Variants in SMIM14 observed in about 807,000 individuals in gnomAD.
SMIM14 encodes the protein small integral membrane protein 14, also known as chromosome 4 open reading frame 34.
Under a neutral mutation model 12.6 loss-of-function variants are expected in SMIM14, and 5 were observed. That is an observed-to-expected ratio of 0.40 (90% confidence interval 0.21 to 0.83). The LOEUF (loss-of-function observed/expected upper bound fraction) is 0.83, where lower values mean the gene tolerates loss of function less well. Ranked by LOEUF, SMIM14 falls within the 40% of genes least tolerant of loss-of-function variation. The pLI is 0.37. For synonymous variants in SMIM14, 30 were observed against 40.1 expected (o/e 0.75, Z 0.95); for missense variants, 86 against 119.1 (o/e 0.72, Z 1.29).
At chr4:39,577,110 G>A (rs539594181) in intron 2 of SMIM14, among the ~76,000 whole-genome samples, 1 of 149,152 alleles carries the variant, frequency 6.7e-6, no homozygotes, top group East Asian at 2.0e-4. Context: ...AGCACTTTGG[G>A]AGGCCAAGGC....
At chr4:39,552,260 CA>C (rs1273241416) in intron 4 of SMIM14, 102 bp from the exon 5 acceptor site, 2 of 939,516 alleles carry the variant, frequency 2.1e-6, no homozygotes, top group Non-Finnish European at 3.1e-6. Context: ...AATCCCAGTG[CA>C]ACCAATCTAA....
At chr4:39,586,226 T>C (rs145509883) in intron 2 of SMIM14, among the ~76,000 whole-genome samples, 53 of 152,208 alleles carry the variant, frequency 3.5e-4, no homozygotes, top group Admixed American at 8.5e-4. Context: ...TGTGGTTCCT[T>C]TTTGCTTAAT....
chr4:39,629,181 T>C (rs1715816754), intron 1 of SMIM14, among the ~76,000 whole-genome samples: 1 of 151,346 alleles, frequency 6.6e-6, no homozygotes, highest in East Asian at 2.0e-4. Flanking sequence ...GCTAACATGG[T>C]GGAAACCCAT....
chr4:39,622,314 C>T (rs1016031271), intron 1 of SMIM14, among the ~76,000 whole-genome samples: 14 of 151,364 alleles, frequency 9.2e-5, no homozygotes, highest in Admixed American at 9.2e-4. Context: ...GATCTCCTGA[C>T]CTCATGATCC....
intron 2 of SMIM14, among the ~76,000 whole-genome samples, chr4:39,574,221 C>A (rs1372318142): frequency 6.8e-6 from 1 of 148,114 alleles, no homozygotes; most frequent in African/African-American, 2.5e-5. Flanking sequence ...GATTTAAAGT[C>A]TGGTTCTGCA....
At chr4:39,565,963 C>T (rs555148746) in intron 3 of SMIM14, among the ~76,000 whole-genome samples, 7 of 151,990 alleles carry the variant, frequency 4.6e-5, no homozygotes, top group East Asian at 1.9e-4. Flanking sequence ...TTTCACCTTC[C>T]GCCATGATTG....
chr4:39,632,620 C>T (rs2109259014), intron 1 of SMIM14, among the ~76,000 whole-genome samples: 1 of 150,994 alleles, frequency 6.6e-6, no homozygotes, highest in East Asian at 2.0e-4. Flanking sequence ...ATTGCAAAAC[C>T]CCAACTCTAC....
chr4:39,554,447 A>G (rs1459359810), intron 4 of SMIM14, among the ~76,000 whole-genome samples: 1 of 152,124 alleles, frequency 6.6e-6, no homozygotes, highest in Non-Finnish European at 1.5e-5. Context: ...ATCTCTACTA[A>G]AAATCCAAAA....
intron 3 of SMIM14, among the ~76,000 whole-genome samples, chr4:39,567,975 T>C (rs964898197): frequency 1.3e-5 from 2 of 151,720 alleles, no homozygotes; most frequent in Admixed American, 6.6e-5. Flanking sequence ...CCCAAATAGA[T>C]TGTATAAATA....
intron 2 of SMIM14, among the ~76,000 whole-genome samples, chr4:39,588,221 T>C (rs938874283): frequency 6.6e-6 from 1 of 152,086 alleles, no homozygotes; most frequent in African/African-American, 2.4e-5. Context: ...AAATTTGTTA[T>C]ACAATAATAA....
intron 4 of SMIM14, among the ~76,000 whole-genome samples, chr4:39,554,161 A>G (rs1711880356): frequency 1.3e-5 from 2 of 152,196 alleles, no homozygotes; most frequent in African/African-American, 2.4e-5. Flanking sequence ...AAAGAGAATT[A>G]GTGGGATAAT....
intron 3 of SMIM14, among the ~76,000 whole-genome samples, chr4:39,556,893 T>A (rs1309652411): frequency 1.3e-5 from 2 of 152,186 alleles, no homozygotes; most frequent in Non-Finnish European, 2.9e-5. Flanking sequence ...GTTCATGGGA[T>A]CCTCTCACCT....
At position 39,554,501 on chromosome 4, in the gene SMIM14, G is replaced by A. The variant is rs185918009; in HGVS notation, c.267+1927C>T. Reference sequence around the variant, plus strand: ...CGTGCACCTGTAATCCCAGCTACTCGGTAGGTGGAGGCAGGAGAATCACTT... The same window carrying A: ...CGTGCACCTGTAATCCCAGCTACTCAGTAGGTGGAGGCAGGAGAATCACTT... On this transcript the variant is annotated intron_variant, in intron 4 of 4. Coordinates refer to ENST00000295958, the MANE Select transcript of SMIM14 (RefSeq NM_174921.3). 3.8e-3 allele frequency among the ~76,000 whole-genome samples: 580 copies of A among 151,896 alleles called. 3 individuals carry two copies. Among genetic ancestry groups the A allele is most frequent in the African/African-American group, 0.013 (559 of 41,458 alleles).
At chr4:39,637,942 G>A (rs1716161679) in intron 1 of SMIM14, among the ~76,000 whole-genome samples, 1 of 152,174 alleles carries the variant, frequency 6.6e-6, no homozygotes, top group Non-Finnish European at 1.5e-5. Flanking sequence ...CGATGCAAAA[G>A]TAACACATTC....
At chr4:39,583,327 G>T (rs2110025583) in intron 2 of SMIM14, among the ~76,000 whole-genome samples, 1 of 151,990 alleles carries the variant, frequency 6.6e-6, no homozygotes, top group African/African-American at 2.4e-5. Context: ...CAAACTCCTG[G>T]GCTCAAGCAA....
At chr4:39,607,813 T>A (rs1055788092) in intron 1 of SMIM14, among the ~76,000 whole-genome samples, 3 of 152,192 alleles carry the variant, frequency 2.0e-5, no homozygotes, top group Non-Finnish European at 2.9e-5. Flanking sequence ...TCACAACATA[T>A]AAAGAATTTC....
chr4:39,560,000 C>CG (rs1712219639), intron 3 of SMIM14, among the ~76,000 whole-genome samples: 1 of 151,150 alleles, frequency 6.6e-6, no homozygotes, highest in South Asian at 2.1e-4. Flanking sequence ...TGTGTGCCTG[C>CG]GGTCCCAGCT....
At chr4:39,614,255 T>C (rs1202451608) in intron 1 of SMIM14, among the ~76,000 whole-genome samples, 1 of 149,406 alleles carries the variant, frequency 6.7e-6, no homozygotes, top group East Asian at 1.9e-4. Context: ...TAGGCATAGA[T>C]GAAATAAAAC....
chr4:39,569,755 GA>G (rs915528242), intron 3 of SMIM14, among the ~76,000 whole-genome samples: 1 of 151,700 alleles, frequency 6.6e-6, no homozygotes, highest in East Asian at 1.9e-4. Context: ...AAGAAAAAAA[GA>G]AAAAAAGAAA....
Sources: gnomAD v4.1 joint callset for allele counts (sites outside exome capture counted in the v4.1 genomes callset) on GRCh38, gnomAD v4.1.1 for gene constraint, MANE v1.5 for transcripts, NCBI Gene and HGNC (gene_info 2026-07-23, HGNC 2026-07-21) for gene names.